Variants in LRRC4B observed in about 807,000 individuals in gnomAD.
LRRC4B encodes leucine-rich repeat-containing protein 4B.
Under a neutral mutation model 7.3 loss-of-function variants are expected in LRRC4B, and 1 was observed. The observed-to-expected ratio is 0.14, with a 90% CI of 0.05 to 0.65. The LOEUF (loss-of-function observed/expected upper bound fraction) is 0.65. Ranked by LOEUF, LRRC4B falls within the 30% of genes least tolerant of loss-of-function variation. The pLI is 0.84. For missense variants in LRRC4B, 730 were observed against 1,041.6 expected (o/e 0.70, Z 4.12); for synonymous variants, 500 against 499.2 (o/e 1.00, Z -0.02).
chr19:50,522,372 C>T, intron 2 of LRRC4B, among the ~76,000 whole-genome samples: 1 of 152,032 alleles, frequency 6.6e-6, no homozygotes, highest in Admixed American at 6.6e-5. Flanking sequence ...TTCTTAAGGC[C>T]CTAACAATCA....
intron 2 of LRRC4B, among the ~76,000 whole-genome samples, chr19:50,545,146 G>A (rs1048357488): frequency 4.0e-5 from 6 of 150,552 alleles, no homozygotes; most frequent in African/African-American, 1.2e-4. Context: ...GGTGGCTCAC[G>A]CCTGTAATCC....
rs879380503 is a variant in LRRC4B at position 50,558,228 on chromosome 19, TACAC to T, written c.-35-9359_-35-9356del. Among the ~76,000 whole-genome samples, 11 of 76,794 alleles carry T rather than the reference TACAC, an allele frequency of 1.4e-4. No homozygotes were observed. The South Asian group carries it at 3.6e-3, about 25-fold the overall frequency. 50.4% of individuals were successfully genotyped at this position (76,794 alleles called of 152,430 possible). A position where few individuals can be genotyped will look rare whatever the true frequency, so the allele number is the denominator to read the frequency against. The stretch of plus-strand genomic sequence containing the variant: ...ACACACACACACACACACACACACA[TACAC>T]ACACACATACATACATACACACACA... On this transcript the variant is annotated intron_variant, in intron 1 of 2. Coordinates refer to ENST00000652263, the MANE Select transcript of LRRC4B (RefSeq NM_001080457.2).
chr19:50,534,139 C>T (rs985560760), intron 2 of LRRC4B, among the ~76,000 whole-genome samples: 7 of 152,064 alleles, frequency 4.6e-5, no homozygotes, highest in Admixed American at 2.0e-4. Flanking sequence ...CAGACAAAGC[C>T]CTGTCTTCCT....
At chr19:50,562,031 T>C (rs890830627) in intron 1 of LRRC4B, among the ~76,000 whole-genome samples, 2 of 143,042 alleles carry the variant, frequency 1.4e-5, no homozygotes, top group South Asian at 2.3e-4. Context: ...GGCAGGAGAA[T>C]TGCTTGAACC....
At chr19:50,536,326 G>T (rs918947755) in intron 2 of LRRC4B, among the ~76,000 whole-genome samples, 2 of 152,084 alleles carry the variant, frequency 1.3e-5, no homozygotes, top group African/African-American at 2.4e-5. Context: ...TAGAGATGGG[G>T]TTTCACTACG....
At chr19:50,564,882 C>A (rs1040082858) in intron 1 of LRRC4B, among the ~76,000 whole-genome samples, 2 of 6,240 alleles carry the variant, frequency 3.2e-4, no homozygotes, top group Non-Finnish European at 9.3e-4. Flanking sequence ...GCCACCCCCG[C>A]CCCCAATCCC....
intron 2 of LRRC4B, among the ~76,000 whole-genome samples, chr19:50,534,050 T>C (rs890592934): frequency 6.6e-6 from 1 of 152,200 alleles, no homozygotes; most frequent in Non-Finnish European, 1.5e-5. Context: ...ATTGTTTCGC[T>C]CATTTGACAG....
Position 50,548,749 on chromosome 19 carries a change from G to A in LRRC4B, c.90C>T (p.Phe30=). 6.5e-7 allele frequency: 1 copy of A among 1,540,046 alleles called. No individual in the cohort carries two copies. The highest frequency in any genetic ancestry group is 8.7e-7 in the Non-Finnish European group (1 of 1,147,336). ...PHGALLFLWL[F]SPPLGAGGGG... ...CTCCACCGGCCCCCAGGGGTGGGGA[G>A]AAGAGCCAGAGGAAGAGCAATGCCC... is the stretch of plus-strand genomic sequence containing the variant. The change falls in exon 2 of 3, where the codon TTC becomes TTT. Residue 30 remains phenylalanine, a synonymous_variant. Transcript: ENST00000652263. This position sits in a 1 kb window ranked among gnomAD's most constrained non-coding sequence, Gnocchi z 6.8.
intron 1 of LRRC4B, among the ~76,000 whole-genome samples, chr19:50,562,067 G>A (rs1251956850): frequency 6.6e-6 from 1 of 151,138 alleles, no homozygotes; most frequent in Admixed American, 6.6e-5. Flanking sequence ...GCAGTGAGCC[G>A]AGATCGCGCC....
At position 50,548,828 on chromosome 19, in the gene LRRC4B, G is replaced by A; in HGVS notation, c.11C>T (p.Ala4Val). The change falls in exon 2 of 3, where the codon GCC (alanine) becomes GTC (valine). Residue 4 changes from alanine to valine, a missense_variant. Around this residue, in one of 6 missense-constraint regions of LRRC4B, gnomAD observed 143 missense variants for 158.4 expected, o/e 0.90. Transcript: ENST00000652263. This position sits in a 1 kb window ranked among gnomAD's most constrained non-coding sequence, Gnocchi z 6.8. The part of the protein sequence containing the change: MAR[A>V]RGSPCPPLPP... The stretch of plus-strand genomic sequence containing the variant: ...CAGCGGGGGGCACGGGGAGCCGCGG[G>A]CACGCGCCATCCTCAATGTTCATGC... 1.4e-6 allele frequency: 2 copies of A among 1,450,982 alleles called. No homozygotes were observed. Among genetic ancestry groups the A allele is most frequent in the Non-Finnish European group, 1.8e-6 (2 of 1,104,066 alleles). The allele number at this position is 1,450,982 out of a possible 1,614,324, so 89.9% of individuals were successfully genotyped here. A position where few individuals can be genotyped will look rare whatever the true frequency, so the allele number is the denominator to read the frequency against.
intron 1 of LRRC4B, among the ~76,000 whole-genome samples, chr19:50,566,522 A>G (rs2122939455): frequency 7.0e-6 from 1 of 142,184 alleles, no homozygotes; most frequent in East Asian, 2.2e-4. Context: ...CTAGGAGGAG[A>G]GCAGAGGTGA....
chr19:50,558,296 T>C (rs1479850823), intron 1 of LRRC4B, among the ~76,000 whole-genome samples: 1 of 152,122 alleles, frequency 6.6e-6, no homozygotes, highest in Non-Finnish European at 1.5e-5. Flanking sequence ...AGTGGCGTGA[T>C]CTCAGCTCAC....
At chr19:50,562,744 T>TG (rs202027490) in intron 1 of LRRC4B, among the ~76,000 whole-genome samples, 2 of 148,600 alleles carry the variant, frequency 1.3e-5, no homozygotes, top group African/African-American at 2.5e-5. Flanking sequence ...TTTTTTTTGT[T>TG]TTTTTTTTTT....
At chr19:50,550,177 C>T (rs1334819855) in intron 1 of LRRC4B, among the ~76,000 whole-genome samples, 1 of 152,146 alleles carries the variant, frequency 6.6e-6, no homozygotes, top group African/African-American at 2.4e-5. Context: ...GACACTGAGG[C>T]ACTATGAGGG....
rs1272454580 is a variant in LRRC4B, at chr19:50,563,291, C to A, written c.-36+4653G>T. ...GCCACTCTCCTTACTCTCCTGCCAC[C>A]CCCTGTCTGGCGGAGCCAGCCCAGC... is the stretch of plus-strand genomic sequence containing the variant. On this transcript the variant is annotated intron_variant, in intron 1 of 2. Coordinates refer to ENST00000652263, the MANE Select transcript of LRRC4B (RefSeq NM_001080457.2). This position sits in a 1 kb window ranked among gnomAD's most constrained non-coding sequence, Gnocchi z 4.9. Among the ~76,000 whole-genome samples, 1 of 152,200 alleles carries A rather than the reference C, an allele frequency of 6.6e-6. No individual in the cohort carries two copies. Among genetic ancestry groups the A allele is most frequent in the African/African-American group, 2.4e-5 (1 of 41,464 alleles).
chr19:50,549,163 C>A (rs1202140315), intron 1 of LRRC4B, among the ~76,000 whole-genome samples: 1 of 152,200 alleles, frequency 6.6e-6, no homozygotes, highest in Non-Finnish European at 1.5e-5. Flanking sequence ...AGTGCCTGCC[C>A]AAGGTCACTC....
intron 1 of LRRC4B, among the ~76,000 whole-genome samples, chr19:50,554,335 CGGGTCACCCTCCATGCCCT>C (rs1195578115): frequency 6.6e-6 from 1 of 151,946 alleles, no homozygotes; most frequent in Non-Finnish European, 1.5e-5. Context: ...ACCAATGTCC[CGGGTCACCCTCCATGCCCT>C]GGGTCACCCT....
intron 2 of LRRC4B, among the ~76,000 whole-genome samples, chr19:50,520,527 G>T (rs1601370204): frequency 6.6e-6 from 1 of 152,082 alleles, no homozygotes; most frequent in Admixed American, 6.6e-5. Context: ...CTACTTGGGA[G>T]GCTGAGGCAG....
chr19:50,529,052 C>T (rs1043447210), intron 2 of LRRC4B, among the ~76,000 whole-genome samples: 2 of 152,140 alleles, frequency 1.3e-5, no homozygotes, highest in Admixed American at 6.5e-5. Context: ...AAAACTCCCC[C>T]CTCTGCCAGG....
Sources: allele counts gnomAD v4.1 joint callset (sites outside exome capture counted in the v4.1 genomes callset), GRCh38; gene constraint gnomAD v4.1.1; regional missense constraint gnomAD v4.1.1; non-coding constraint Gnocchi (gnomAD v3.1); transcripts MANE v1.5; gene names NCBI Gene and HGNC (gene_info 2026-07-23, HGNC 2026-07-21).